The following UGT1A10 variants were observed in gnomAD, a reference collection of about 807,000 sequenced individuals.
UGT1A10 encodes the protein UDP-glucuronosyltransferase 1A10.
In UGT1A10, 49 loss-of-function variants were observed where a neutral mutation model predicts 45.8. The observed-to-expected ratio is 1.07, with a 90% CI of 0.85 to 1.36. The LOEUF is 1.36. UGT1A10 is among the 40% of genes most tolerant of loss of function. The probability of loss-of-function intolerance (pLI) is 0.00; values close to 1 mark genes in which losing one functional copy is unlikely to be tolerated. For missense variants in UGT1A10, 745 were observed against 668.6 expected, an observed-to-expected ratio of 1.11 and a Z score of -1.26; for synonymous variants, 284 against 249.7, an observed-to-expected ratio of 1.14 and a Z score of -1.29.
In UGT1A10 at chr2:233,773,093, G is replaced by A; in HGVS notation, c.*534G>A. 6.2e-6 allele frequency: 1 copy of A among 160,484 alleles called. No homozygotes were observed. Among genetic ancestry groups the A allele is most frequent in the East Asian group, 1.7e-4 (1 of 5,844 alleles). The allele number at this position is 160,484 out of a possible 1,614,324, so 9.9% of individuals were successfully genotyped here. A position where few individuals can be genotyped will look rare whatever the true frequency, so the allele number is the denominator to read the frequency against. Reference sequence around the variant, plus strand: ...GAATGAATGGCTTGGAGTGCACTGAGAACAGCATATGATTTCTTGCTTTGG... The same window carrying A: ...GAATGAATGGCTTGGAGTGCACTGAAAACAGCATATGATTTCTTGCTTTGG... On this transcript the variant is annotated 3_prime_UTR_variant, in exon 5 of 5. Transcript: ENST00000344644.
chr2:233,727,845 A>G (rs1384515485), intron 1 of UGT1A10, among the ~76,000 whole-genome samples: 1 of 152,084 alleles, frequency 6.6e-6, no homozygotes, highest in East Asian at 1.9e-4. Context: ...ATGTGGAGTA[A>G]TTTCCTCCCT....
chr2:233,757,130 G>T (rs368401609), intron 1 of UGT1A10, among the ~76,000 whole-genome samples: 1 of 151,410 alleles, frequency 6.6e-6, no homozygotes, highest in Non-Finnish European at 1.5e-5. Context: ...GAGGAGGAAT[G>T]AGCTTGGACA....
chr2:233,711,387 G>A (rs1236351925), intron 1 of UGT1A10, among the ~76,000 whole-genome samples: 2 of 152,246 alleles, frequency 1.3e-5, no homozygotes, highest in African/African-American at 2.4e-5. Context: ...CCTCCCAGGT[G>A]TGTTCCACCC....
chr2:233,645,992 T>A (rs2073592376), intron 1 of UGT1A10, among the ~76,000 whole-genome samples: 1 of 152,224 alleles, frequency 6.6e-6, no homozygotes, highest in Non-Finnish European at 1.5e-5. Flanking sequence ...AGCAAACTTC[T>A]TTCTGGACAT....
chr2:233,699,909 T>C (rs1178305639), intron 1 of UGT1A10, among the ~76,000 whole-genome samples: 3 of 152,182 alleles, frequency 2.0e-5, no homozygotes, highest in Non-Finnish European at 4.4e-5. Flanking sequence ...GTCAGTAGGA[T>C]ATACGTAGAG....
chr2:233,659,698 G>C (rs1045375049), intron 1 of UGT1A10, among the ~76,000 whole-genome samples: 1 of 152,124 alleles, frequency 6.6e-6, no homozygotes, highest in African/African-American at 2.4e-5. Flanking sequence ...ATTACTGTCT[G>C]ACATTTTTGC....
intron 1 of UGT1A10, chr2:233,691,974 T>A (rs2075070882): frequency 3.3e-5 from 5 of 152,254 alleles, no homozygotes; most frequent in Admixed American, 3.3e-4. Context: ...TCCCTTTCGA[T>A]CACACCTAAG....
At position 233,672,779 on chromosome 2, in the gene UGT1A10, C is replaced by T. The variant is rs367751620; in HGVS notation, c.855+35402C>T. The T allele has an allele frequency of 2.0e-5, 33 of 1,613,374 alleles. No homozygotes were observed. The highest frequency in any genetic ancestry group is 1.3e-4 in the African/African-American group (10 of 75,028). On this transcript the variant is annotated intron_variant, in intron 1 of 4. Coordinates refer to ENST00000344644, the MANE Select transcript of UGT1A10 (RefSeq NM_019075.4). ...GGTATCAACTGCCATCAGGGAAAGCCGTTGCCTATGGTAAGTTATCTCTCC... is the reference window on the plus strand; with the variant it reads ...GGTATCAACTGCCATCAGGGAAAGCTGTTGCCTATGGTAAGTTATCTCTCC...
At chr2:233,717,885 C>T (rs1165690902) in intron 1 of UGT1A10, 3 of 454,846 alleles carry the variant, frequency 6.6e-6, no homozygotes, top group South Asian at 3.1e-5. Flanking sequence ...AAAGCCTGGC[C>T]ATAATCTTCA....
intron 1 of UGT1A10, among the ~76,000 whole-genome samples, chr2:233,654,530 C>T (rs1473661760): frequency 6.6e-6 from 1 of 152,160 alleles, no homozygotes; most frequent in South Asian, 2.1e-4. Flanking sequence ...ACGTTTTCTG[C>T]AGTTGATTAT....
At chr2:233,697,656 A>T (rs1053465804) in intron 1 of UGT1A10, among the ~76,000 whole-genome samples, 3 of 151,536 alleles carry the variant, frequency 2.0e-5, no homozygotes, top group Non-Finnish European at 2.9e-5. Flanking sequence ...CTTGAGGTGC[A>T]TTCTTAGGTT....
At chr2:233,649,066 A>G in intron 1 of UGT1A10, 1 of 904,378 alleles carries the variant, frequency 1.1e-6, no homozygotes, top group South Asian at 3.4e-5. Context: ...AGTATTCTGG[A>G]TTTGAATATT....
At chr2:233,645,978 C>G (rs1010991824) in intron 1 of UGT1A10, among the ~76,000 whole-genome samples, 37 of 152,214 alleles carry the variant, frequency 2.4e-4, no homozygotes, top group Non-Finnish European at 4.9e-4. Flanking sequence ...GGTCCTGCCC[C>G]TGCAGCAAAC....
intron 1 of UGT1A10, chr2:233,743,786 C>T: frequency 7.3e-7 from 1 of 1,367,346 alleles, no homozygotes; most frequent in Middle Eastern, 2.1e-4. Context: ...CTTGAATCTC[C>T]TCTCCGCTTC....
chr2:233,715,167 C>T (rs767247099), intron 1 of UGT1A10, among the ~76,000 whole-genome samples: 6 of 152,042 alleles, frequency 3.9e-5, no homozygotes, highest in Non-Finnish European at 7.4e-5. Flanking sequence ...ATTACAGGCG[C>T]GAGCCACCAC....
intron 1 of UGT1A10, chr2:233,672,235 C>T (rs994812808): frequency 6.2e-7 from 1 of 1,613,934 alleles, no homozygotes; most frequent in Non-Finnish European, 8.5e-7. Context: ...ATGGAAAGCA[C>T]AAGTACGAAG....
At chr2:233,657,660 A>G (rs2073884659) in intron 1 of UGT1A10, among the ~76,000 whole-genome samples, 1 of 152,190 alleles carries the variant, frequency 6.6e-6, no homozygotes, top group African/African-American at 2.4e-5. Flanking sequence ...TATCTAAACT[A>G]TATCATTTGA....
chr2:233,729,112 G>T, intron 1 of UGT1A10: 1 of 1,612,932 alleles, frequency 6.2e-7, no homozygotes, highest in South Asian at 1.1e-5. Context: ...TCAGCTGTCC[G>T]TGTCTTCTGC....
intron 1 of UGT1A10, among the ~76,000 whole-genome samples, chr2:233,679,063 A>G (rs10207520): frequency 0.18 from 27,742 of 151,884 alleles, 2,760 homozygotes; most frequent in Non-Finnish European, 0.23. Flanking sequence ...ATTCTCTTCC[A>G]TAGTATTGAC....
Sources: gnomAD v4.1 joint callset for allele counts (sites outside exome capture counted in the v4.1 genomes callset) on GRCh38, gnomAD v4.1.1 for gene constraint, MANE v1.5 for transcripts, NCBI Gene and HGNC (gene_info 2026-07-23, HGNC 2026-07-21) for gene names.